THSD7A: variants seen among roughly 807,000 people sequenced by gnomAD.
The protein encoded by THSD7A is thrombospondin type 1 domain containing 7A, also known as thrombospondin type-1 domain-containing protein 7A.
THSD7A carries 96 observed loss-of-function variants against 231.3 expected under a neutral mutation model. That is an observed-to-expected ratio of 0.41 (90% CI 0.35 to 0.49). The LOEUF (loss-of-function observed/expected upper bound fraction) is 0.49, where lower values mean the gene tolerates loss of function less well. Ranked by LOEUF, THSD7A falls within the 20% of genes least tolerant of loss-of-function variation. The pLI is 0.05. For synonymous variants in THSD7A, 940 were observed against 743.3 expected (o/e 1.26, Z -4.30); for missense variants, 2,290 against 2,070.2 (o/e 1.11, Z -2.06).
intron 1 of THSD7A, among the ~76,000 whole-genome samples, chr7:11,708,981 A>G (rs1422979460): frequency 6.6e-6 from 1 of 150,776 alleles, no homozygotes; most frequent in African/African-American, 2.4e-5. Flanking sequence ...GAAAATAATT[A>G]TAAGGAAAAT....
At chr7:11,714,082 T>C (rs889633809) in intron 1 of THSD7A, among the ~76,000 whole-genome samples, 3 of 151,216 alleles carry the variant, frequency 2.0e-5, no homozygotes, top group Admixed American at 6.6e-5. Context: ...TATTTGTTAA[T>C]GAAGGTCACA....
intron 6 of THSD7A, among the ~76,000 whole-genome samples, chr7:11,528,204 T>C (rs1044914190): frequency 6.6e-6 from 1 of 152,040 alleles, no homozygotes; most frequent in Non-Finnish European, 1.5e-5. Flanking sequence ...ACACGTGGCT[T>C]CATGTGAGGA....
intron 6 of THSD7A, among the ~76,000 whole-genome samples, chr7:11,485,904 A>C (rs1207327454): frequency 6.6e-6 from 1 of 152,224 alleles, no homozygotes; most frequent in East Asian, 1.9e-4. Flanking sequence ...CTGATCTATG[A>C]GAATATGGAA....
intron 2 of THSD7A, among the ~76,000 whole-genome samples, chr7:11,623,681 G>A (rs892255246): frequency 3.3e-5 from 5 of 152,128 alleles, no homozygotes; most frequent in Middle Eastern, 3.4e-3. Context: ...CTCCCTCTTC[G>A]GCAGGGTCAA....
intron 1 of THSD7A, among the ~76,000 whole-genome samples, chr7:11,638,557 G>A (rs1781956232): frequency 6.6e-6 from 1 of 152,166 alleles, no homozygotes; most frequent in African/African-American, 2.4e-5. Context: ...GAGACTTGCT[G>A]TAAATATTGT....
At chr7:11,409,845 C>G (rs1025402472) in intron 19 of THSD7A, among the ~76,000 whole-genome samples, 1 of 151,958 alleles carries the variant, frequency 6.6e-6, no homozygotes, top group Admixed American at 6.6e-5. Context: ...TGGGTTCAAG[C>G]GATTCTCCTG....
In THSD7A at chr7:11,602,795, G is replaced by A. The variant is rs1308533289; in HGVS notation, c.1023-9293C>T. Reference sequence around the variant, plus strand: ...ATATTTGTATTTTACGTAGATTCTGGTGGTGAGGTGGGAAAATGAATTATT... The same window carrying A: ...ATATTTGTATTTTACGTAGATTCTGATGGTGAGGTGGGAAAATGAATTATT... On this transcript the variant is annotated intron_variant, in intron 2 of 27. Coordinates refer to ENST00000423059, the MANE Select transcript of THSD7A (RefSeq NM_015204.3). Among the ~76,000 whole-genome samples, 11 of 151,658 alleles carry A rather than the reference G, an allele frequency of 7.3e-5. 1 individual carries two copies. Among genetic ancestry groups the A allele is most frequent in the Admixed American group, 7.2e-4 (11 of 15,204 alleles).
chr7:11,506,332 T>A (rs1031678695), intron 6 of THSD7A, among the ~76,000 whole-genome samples: 3 of 152,190 alleles, frequency 2.0e-5, no homozygotes, highest in African/African-American at 7.2e-5. Context: ...ACATATTTTC[T>A]TCACCAAAGA....
chr7:11,427,683 G>C (rs564007749), intron 14 of THSD7A, among the ~76,000 whole-genome samples: 3 of 152,098 alleles, frequency 2.0e-5, no homozygotes, highest in Admixed American at 6.5e-5. Flanking sequence ...ATTTGCTACT[G>C]AAAATTCAAG....
intron 1 of THSD7A, among the ~76,000 whole-genome samples, chr7:11,783,756 C>T (rs1783703273): frequency 6.6e-6 from 1 of 152,102 alleles, no homozygotes; most frequent in African/African-American, 2.4e-5. Flanking sequence ...AGAAACAATA[C>T]TCCCTAAATA....
intron 6 of THSD7A, among the ~76,000 whole-genome samples, chr7:11,484,807 A>G (rs1283740863): frequency 6.7e-6 from 1 of 148,446 alleles, no homozygotes; most frequent in African/African-American, 2.5e-5. Flanking sequence ...GGATAGCAGC[A>G]CATGCATCCC....
intron 6 of THSD7A, among the ~76,000 whole-genome samples, chr7:11,491,818 C>T (rs377257144): frequency 6.6e-6 from 1 of 150,736 alleles, no homozygotes; most frequent in Non-Finnish European, 1.5e-5. Context: ...CTCCATCACA[C>T]TAAGGAAGCT....
At chr7:11,824,555 A>G (rs1254220215) in intron 1 of THSD7A, among the ~76,000 whole-genome samples, 4 of 152,096 alleles carry the variant, frequency 2.6e-5, no homozygotes, top group Admixed American at 6.5e-5. Context: ...TACAAACCAG[A>G]TAGTTGTGTA....
chr7:11,468,634 GA>G (rs1785806613), intron 9 of THSD7A, among the ~76,000 whole-genome samples: 1 of 152,074 alleles, frequency 6.6e-6, no homozygotes, highest in Non-Finnish European at 1.5e-5. Context: ...AGGAGTTCTA[GA>G]CCAGCCTGGC....
intron 1 of THSD7A, among the ~76,000 whole-genome samples, chr7:11,677,893 T>C (rs1296360982): frequency 6.6e-6 from 1 of 152,090 alleles, no homozygotes. Context: ...AGAATATACA[T>C]TCTTCTTGGC....
rs570944412 is a variant in THSD7A at position 11,439,856 on chromosome 7, C to G, written c.3064+6205G>C. On this transcript the variant is annotated intron_variant, in intron 13 of 27. Coordinates refer to ENST00000423059, the MANE Select transcript of THSD7A (RefSeq NM_015204.3). ...TGATATAGAAGCTGCAGCAAGTTAT[C>G]TCAAATATCTAGTTAAGGTAATAGA... is the stretch of plus-strand genomic sequence containing the variant. 7.9e-5 allele frequency among the ~76,000 whole-genome samples: 12 copies of G among 152,156 alleles called. No homozygotes were observed. The South Asian group carries it at 1.2e-3, about 16-fold the overall frequency.
intron 1 of THSD7A, among the ~76,000 whole-genome samples, chr7:11,822,189 A>G (rs1784895465): frequency 6.6e-6 from 1 of 151,996 alleles, no homozygotes; most frequent in African/African-American, 2.4e-5. Flanking sequence ...CTCATCATCC[A>G]TCCTCCTCTC....
At chr7:11,414,125 G>A (rs1317345658) in intron 17 of THSD7A, 1 of 152,232 alleles carries the variant, frequency 6.6e-6, no homozygotes, top group African/African-American at 2.4e-5. Flanking sequence ...AACCCCATGG[G>A]TGGTTACAGC....
chr7:11,603,123 A>G (rs1780607038), intron 2 of THSD7A, among the ~76,000 whole-genome samples: 1 of 149,184 alleles, frequency 6.7e-6, no homozygotes, highest in Non-Finnish European at 1.5e-5. Flanking sequence ...TTCGCAACCT[A>G]CTCATCTGAC....
Sources: allele counts gnomAD v4.1 joint callset (sites outside exome capture counted in the v4.1 genomes callset), GRCh38; gene constraint gnomAD v4.1.1; transcripts MANE v1.5; gene names NCBI Gene and HGNC (gene_info 2026-07-23, HGNC 2026-07-21).